SERPINB9: variants seen among roughly 807,000 people sequenced by gnomAD.
SERPINB9 encodes serpin B9.
SERPINB9 carries 20 observed loss-of-function variants against 27.2 expected under a neutral mutation model. The observed-to-expected ratio is 0.74, with a 90% CI of 0.52 to 1.07. SERPINB9 has a LOEUF of 1.07. Ranked by LOEUF, SERPINB9 falls within the 50% of genes least tolerant of loss-of-function variation. The probability of loss-of-function intolerance (pLI) is 0.00; values close to 1 mark genes in which losing one functional copy is unlikely to be tolerated. For missense variants in SERPINB9, 476 were observed against 460.1 expected (o/e 1.03, Z -0.32); for synonymous variants, 189 against 180.0 (o/e 1.05, Z -0.40).
intron 1 of SERPINB9, among the ~76,000 whole-genome samples, chr6:2,900,909 A>ACACACACACACACACG (rs1768178827): frequency 6.6e-6 from 1 of 152,150 alleles, no homozygotes; most frequent in African/African-American, 2.4e-5. Flanking sequence ...ACACACACAC[A>ACACACACACACACACG]CAGAGCTGGA....
intron 2 of SERPINB9, 98 bp from the exon 3 acceptor site, chr6:2,896,288 G>T: frequency 9.3e-7 from 1 of 1,070,154 alleles, no homozygotes; most frequent in Non-Finnish European, 1.4e-6. Flanking sequence ...AAAAGATGTA[G>T]CCATTCTGCC....
chr6:2,902,550 C>T (rs1050677340), intron 1 of SERPINB9, among the ~76,000 whole-genome samples: 1 of 152,164 alleles, frequency 6.6e-6, no homozygotes, highest in African/African-American at 2.4e-5. Flanking sequence ...GACGAAGTCT[C>T]ACTCTGTCTG....
chr6:2,902,602 C>A (rs1297651081), intron 1 of SERPINB9, among the ~76,000 whole-genome samples: 2 of 152,212 alleles, frequency 1.3e-5, no homozygotes, highest in African/African-American at 4.8e-5. Context: ...TCACTGCAAC[C>A]TCTGCCTCCC....
rs1346404998 is a variant in SERPINB9 at position 2,894,767 on chromosome 6, TTTG to T, written c.424+621_424+623del. Among the ~76,000 whole-genome samples, 1 of 152,116 alleles carries T rather than the reference TTTG, an allele frequency of 6.6e-6. No individual in the cohort carries two copies. Among genetic ancestry groups the T allele is most frequent in the African/African-American group, 2.4e-5 (1 of 41,412 alleles). ...GATTCTTTTGACATTTGTTTTTTTG[TTTG>T]TTTTTTGTTTTTGAGACAGGCTGGA... On this transcript the variant is annotated intron_variant, in intron 4 of 6. Coordinates refer to ENST00000380698, the MANE Select transcript of SERPINB9 (RefSeq NM_004155.6). The surrounding 1 kb of genome is among the most constrained non-coding windows in gnomAD (Gnocchi z 4.7).
At chr6:2,902,301 A>G (rs112380637) in intron 1 of SERPINB9, among the ~76,000 whole-genome samples, 1 of 152,250 alleles carries the variant, frequency 6.6e-6, no homozygotes, top group African/African-American at 2.4e-5. Context: ...CCTCCCCAGC[A>G]CGACCCTTCC....
rs1767790050 is a variant in SERPINB9 at position 2,891,203 on chromosome 6, A to C, written c.723+630T>G. Reference sequence around the variant, plus strand: ...ACCCTGGAGATCCATGCTGAAAGGAAGCCGAGTGCCTGGATGTGCCCTCAG... The same window carrying C: ...ACCCTGGAGATCCATGCTGAAAGGACGCCGAGTGCCTGGATGTGCCCTCAG... On this transcript the variant is annotated intron_variant, in intron 6 of 6. Transcript: ENST00000380698. This position sits in a 1 kb window ranked among gnomAD's most constrained non-coding sequence, Gnocchi z 4.0. Among the ~76,000 whole-genome samples the C allele has an allele frequency of 6.6e-6, 1 of 152,212 alleles. No individual in the cohort carries two copies. The highest frequency in any genetic ancestry group is 2.1e-4 in the South Asian group (1 of 4,830).
intron 1 of SERPINB9, among the ~76,000 whole-genome samples, chr6:2,902,351 G>A (rs1216919175): frequency 6.6e-6 from 1 of 151,830 alleles, no homozygotes; most frequent in African/African-American, 2.4e-5. Context: ...GGTCCCCACA[G>A]ACCGCAGGCT....
chr6:2,890,157 C>T lies in SERPINB9; in HGVS notation c.*6G>A. ...GAAATGGCCGAGTGCACGGTAAGTGCACCCTTTATGGCGATGAGAACCTGC... is the reference window on the plus strand; with the variant it reads ...GAAATGGCCGAGTGCACGGTAAGTGTACCCTTTATGGCGATGAGAACCTGC... On this transcript the variant is annotated 3_prime_UTR_variant, in exon 7 of 7. Coordinates refer to ENST00000380698, the MANE Select transcript of SERPINB9 (RefSeq NM_004155.6). This position sits in a 1 kb window ranked among gnomAD's most constrained non-coding sequence, Gnocchi z 6.2. 1.9e-6 allele frequency: 3 copies of T among 1,608,192 alleles called. No homozygotes were observed. Among genetic ancestry groups the T allele is most frequent in the Non-Finnish European group, 2.6e-6 (3 of 1,175,850 alleles).
chr6:2,900,885 T>TCACACACACACACACACACACACACACA (rs5742054), intron 1 of SERPINB9, among the ~76,000 whole-genome samples: 6 of 141,570 alleles, frequency 4.2e-5, no homozygotes, highest in African/African-American at 8.4e-5. Flanking sequence ...GCTCGCTCTC[T>TCACACACACACACACACACACACACACA]CACACACACA....
Position 2,887,291 on chromosome 6 carries a change from T to C in SERPINB9, c.*2872A>G, listed in dbSNP as rs112586624. ...TTGATTATAGAGGAAAACAAAACAC[T>C]GTTTATTAATGAAACATCATAACAA... On this transcript the variant is annotated 3_prime_UTR_variant, in exon 7 of 7. Coordinates refer to ENST00000380698, the MANE Select transcript of SERPINB9 (RefSeq NM_004155.6). 1.6e-4 allele frequency: 23 copies of C among 145,056 alleles called. No individual in the cohort carries two copies. Among genetic ancestry groups the C allele is most frequent in the African/African-American group, 5.4e-4 (22 of 40,852 alleles). 9.0% of individuals were successfully genotyped at this position (145,056 alleles called of 1,614,324 possible).
In SERPINB9 at chr6:2,891,712, T is replaced by C. The variant is rs1767803239; in HGVS notation, c.723+121A>G. On this transcript the variant is annotated intron_variant, in intron 6 of 6. Transcript: ENST00000380698. The surrounding 1 kb of genome is among the most constrained non-coding windows in gnomAD (Gnocchi z 4.0). ...ACAAAAGTTCGATCCCAACGCCAAG[T>C]GCCTGCACAGTGTGCGTCTGCCGCA... is the stretch of plus-strand genomic sequence containing the variant. The C allele has an allele frequency of 8.5e-7, 1 of 1,181,138 alleles. No individual in the cohort carries two copies. Among genetic ancestry groups the C allele is most frequent in the Non-Finnish European group, 1.2e-6 (1 of 852,120 alleles). 73.2% of individuals were successfully genotyped at this position (1,181,138 alleles called of 1,614,324 possible). A position where few individuals can be genotyped will look rare whatever the true frequency, so the allele number is the denominator to read the frequency against.
intron 1 of SERPINB9, 57 bp from the exon 2 acceptor site, chr6:2,900,678 C>T (rs375916862): frequency 2.2e-5 from 32 of 1,450,468 alleles, no homozygotes; most frequent in Non-Finnish European, 2.9e-5. Flanking sequence ...TGTTACTGAC[C>T]TACTTACTAC....
chr6:2,895,961 A>G (rs1010372259), intron 3 of SERPINB9, 92 bp downstream of exon 3: 9 of 1,370,418 alleles, frequency 6.6e-6, no homozygotes, highest in Non-Finnish European at 8.8e-6. Flanking sequence ...TGGTTAACAT[A>G]AATTTCTCAA....
rs1767775612 is a variant in SERPINB9, at chr6:2,890,872, T to A, written c.724-302A>T. ...TGACAAGTGTCAATGCCCAGGCGAC[T>A]GTGTTTTTTTTTCAAACATAGTCTT... On this transcript the variant is annotated intron_variant, in intron 6 of 6. Transcript: ENST00000380698. This position sits in a 1 kb window ranked among gnomAD's most constrained non-coding sequence, Gnocchi z 6.2. 6.6e-6 allele frequency among the ~76,000 whole-genome samples: 1 copy of A among 152,116 alleles called. No homozygotes were observed. The highest frequency in any genetic ancestry group is 1.5e-5 in the Non-Finnish European group (1 of 68,012).
intron 2 of SERPINB9, among the ~76,000 whole-genome samples, chr6:2,896,521 A>C (rs373481827): frequency 1.4e-4 from 22 of 152,358 alleles, no homozygotes; most frequent in African/African-American, 5.3e-4. Context: ...AAATACAATC[A>C]TCAGAATCCT....
At chr6:2,897,089 G>A (rs925989535) in intron 2 of SERPINB9, among the ~76,000 whole-genome samples, 2 of 145,082 alleles carry the variant, frequency 1.4e-5, no homozygotes, top group Non-Finnish European at 1.5e-5. Flanking sequence ...TCAAGCTGCT[G>A]CACTCCAGCC....
At chr6:2,897,667 C>T (rs1561646941) in intron 2 of SERPINB9, among the ~76,000 whole-genome samples, 1 of 152,094 alleles carries the variant, frequency 6.6e-6, no homozygotes, top group Non-Finnish European at 1.5e-5. Context: ...TACAGAAAAA[C>T]TCCCAAGGAA....
rs750564397 is a variant in SERPINB9, at chr6:2,896,096, G to A, written c.263C>T (p.Thr88Met). The A allele has an allele frequency of 2.7e-5, 44 of 1,613,752 alleles. No individual in the cohort carries two copies. The highest frequency in any genetic ancestry group is 1.1e-4 in the South Asian group (10 of 91,034). Reference sequence around the variant, plus strand: ...TTTCTCTCCAAAGAGCCTGTTGGCCGTTCTCAGCAGGTACTGTGTGCCAGC... The same window carrying A: ...TTTCTCTCCAAAGAGCCTGTTGGCCATTCTCAGCAGGTACTGTGTGCCAGC... ...NKAGTQYLLR[T>M]ANRLFGEKTC... The change falls in exon 3 of 7, where the codon ACG becomes ATG. Residue 88 changes from threonine to methionine, a missense_variant. Thr to Met is a moderately conservative substitution (Grantham distance 81). Transcript: ENST00000380698.
In SERPINB9 at chr6:2,893,513, T is replaced by C. The variant is rs906515066; in HGVS notation, c.465A>G (p.Ala155=). The C allele has an allele frequency of 1.9e-6, 3 of 1,612,912 alleles. No homozygotes were observed. Among genetic ancestry groups the C allele is most frequent in the Non-Finnish European group, 2.5e-6 (3 of 1,179,382 alleles). The part of the protein sequence containing the change: ...EELLPGSSID[A]ETRLVLVNAI... The stretch of plus-strand genomic sequence containing the variant: ...CATTGACAAGAACCAGCCTGGTTTC[T>C]GCATCAATTGAGCTACCCGGCAACA... The change falls in exon 5 of 7, where the codon GCA becomes GCG. Residue 155 remains alanine (A), a synonymous_variant. Coordinates refer to ENST00000380698, the MANE Select transcript of SERPINB9 (RefSeq NM_004155.6).
Sources: gnomAD v4.1 joint callset for allele counts (sites outside exome capture counted in the v4.1 genomes callset) on GRCh38, gnomAD v4.1.1 for gene constraint, Gnocchi (gnomAD v3.1) non-coding constraint, MANE v1.5 for transcripts, NCBI Gene and HGNC (gene_info 2026-07-23, HGNC 2026-07-21) for gene names.